DENND4C: variants seen among roughly 807,000 people sequenced by gnomAD.
DENND4C encodes DENN domain-containing protein 4C.
A neutral mutation model predicts 203.0 loss-of-function variants in DENND4C; 108 were observed. That is an observed-to-expected ratio of 0.53 (90% confidence interval 0.46 to 0.62). The LOEUF (loss-of-function observed/expected upper bound fraction) is 0.62. DENND4C is among the 20% of genes least tolerant of loss of function. The pLI is 0.00. For missense variants in DENND4C, 2,481 were observed against 2,301.2 expected (o/e 1.08, Z -1.60); for synonymous variants, 871 against 792.4 (o/e 1.10, Z -1.67).
chr9:19,311,153 T>A (rs1282234365), intron 10 of DENND4C, among the ~76,000 whole-genome samples: 1 of 152,198 alleles, frequency 6.6e-6, no homozygotes, highest in Non-Finnish European at 1.5e-5. Context: ...AGAGTCTTGC[T>A]CTGTCTCCCA....
At chr9:19,334,182 A>G (rs1819902022) in intron 17 of DENND4C, among the ~76,000 whole-genome samples, 1 of 152,134 alleles carries the variant, frequency 6.6e-6, no homozygotes, top group African/African-American at 2.4e-5. Flanking sequence ...AGTAGCTGGG[A>G]CTACAAGTGC....
intron 5 of DENND4C, 27 bp downstream of exon 5, chr9:19,290,903 A>G (rs747259322): frequency 6.3e-7 from 1 of 1,591,792 alleles, no homozygotes; most frequent in East Asian, 2.2e-5. Context: ...TTGATTAAAC[A>G]CATTTTGTCC....
chr9:19,234,293 C>T (rs967546647), intron 1 of DENND4C, among the ~76,000 whole-genome samples: 13 of 151,660 alleles, frequency 8.6e-5, no homozygotes, highest in East Asian at 3.9e-4. Context: ...TGCAGTGGCG[C>T]GATCTCAGCT....
At chr9:19,259,571 C>G (rs1828860538) in intron 1 of DENND4C, among the ~76,000 whole-genome samples, 1 of 144,228 alleles carries the variant, frequency 6.9e-6, no homozygotes, top group South Asian at 2.1e-4. Flanking sequence ...GTGGCGCGAT[C>G]TTGGCTCACT....
At chr9:19,285,590 T>TTTG (rs1376132429) in intron 2 of DENND4C, among the ~76,000 whole-genome samples, 2 of 151,954 alleles carry the variant, frequency 1.3e-5, no homozygotes, top group Non-Finnish European at 2.9e-5. Context: ...TTTTTTTTTT[T>TTTG]TCACTTAACA....
rs1248191204 is a variant in DENND4C at position 19,230,825 on chromosome 9, A to T, written c.-26A>T. The T allele has an allele frequency of 6.6e-6, 1 of 152,544 alleles. No homozygotes were observed. 9.4% of individuals were successfully genotyped at this position (152,544 alleles called of 1,614,324 possible). ...GTCGGGGCTGCGCTGACAGAGGAGCAGGCAGCAGGTGAGGCTGCGGCGCGG... is the reference window on the plus strand; with the variant it reads ...GTCGGGGCTGCGCTGACAGAGGAGCTGGCAGCAGGTGAGGCTGCGGCGCGG... On this transcript the variant is annotated 5_prime_UTR_variant, in exon 1 of 33. Coordinates refer to ENST00000434457, the MANE Select transcript of DENND4C (RefSeq NM_001330640.2).
chr9:19,234,964 TC>T (rs1342999512), intron 1 of DENND4C, among the ~76,000 whole-genome samples: 16 of 150,492 alleles, frequency 1.1e-4, no homozygotes, highest in African/African-American at 3.9e-4. Flanking sequence ...TTTTTTTTTT[TC>T]TTTCTTTTTT....
chr9:19,324,583 G>C, intron 13 of DENND4C, 76 bp downstream of exon 13: 1 of 1,450,258 alleles, frequency 6.9e-7, no homozygotes, highest in Non-Finnish European at 9.4e-7. Context: ...GTTATTGTTA[G>C]TCTAGAGTGA....
intron 30 of DENND4C, among the ~76,000 whole-genome samples, chr9:19,364,401 GA>G (rs1213896297): frequency 6.6e-6 from 1 of 152,194 alleles, no homozygotes; most frequent in African/African-American, 2.4e-5. Flanking sequence ...TTAAACTCAG[GA>G]ATTGCAGTTC....
chr9:19,231,764 T>C (rs1440498858), intron 1 of DENND4C, among the ~76,000 whole-genome samples: 1 of 151,976 alleles, frequency 6.6e-6, no homozygotes, highest in Non-Finnish European at 1.5e-5. Flanking sequence ...AGCTGTCTCT[T>C]TGTGCCTCCG....
chr9:19,256,320 T>C (rs1280140696), intron 1 of DENND4C, among the ~76,000 whole-genome samples: 1 of 126,654 alleles, frequency 7.9e-6, no homozygotes, highest in Non-Finnish European at 1.6e-5. Flanking sequence ...TTTTTTTTTT[T>C]TTTTTTGAGA....
chr9:19,323,084 C>T (rs534063609), intron 12 of DENND4C, among the ~76,000 whole-genome samples: 68 of 152,178 alleles, frequency 4.5e-4, no homozygotes, highest in Non-Finnish European at 8.7e-4. Flanking sequence ...ATGGGAGGAT[C>T]ACTTGAGGCC....
intron 30 of DENND4C, among the ~76,000 whole-genome samples, chr9:19,365,462 C>T (rs1027358576): frequency 2.0e-5 from 3 of 152,112 alleles, no homozygotes; most frequent in Admixed American, 1.3e-4. Context: ...TACTTTCTCA[C>T]TAAGTACAAG....
chr9:19,371,122 CTTT>C (rs34439366), intron 31 of DENND4C, among the ~76,000 whole-genome samples: 20,657 of 151,982 alleles, frequency 0.14, 1,792 homozygotes, highest in African/African-American at 0.24. Context: ...AGCCTTACGT[CTTT>C]TTTTTCTCTG....
At chr9:19,300,143 C>A in intron 8 of DENND4C, 44 bp from the exon 9 acceptor site, 1 of 1,526,858 alleles carries the variant, frequency 6.5e-7, no homozygotes, top group Non-Finnish European at 8.9e-7. Flanking sequence ...CATATTTCAG[C>A]AAAATAGTTC....
At chr9:19,322,110 G>T (rs1563801850) in intron 12 of DENND4C, among the ~76,000 whole-genome samples, 1 of 152,136 alleles carries the variant, frequency 6.6e-6, no homozygotes, top group Admixed American at 6.5e-5. Flanking sequence ...AAAACATGAA[G>T]GGAGAGCGCA....
intron 16 of DENND4C, among the ~76,000 whole-genome samples, chr9:19,328,852 C>T (rs916475548): frequency 1.3e-5 from 2 of 151,902 alleles, no homozygotes; most frequent in Non-Finnish European, 2.9e-5. Context: ...AGTTCGAGAC[C>T]AGCCTGACCA....
intron 30 of DENND4C, among the ~76,000 whole-genome samples, chr9:19,362,832 AG>A (rs1454831673): frequency 1.3e-5 from 2 of 152,206 alleles, no homozygotes; most frequent in African/African-American, 4.8e-5. Flanking sequence ...GTGTTTAAAG[AG>A]TTATTATTCA....
At chr9:19,341,311 CTTTTTT>C (rs5896841) in intron 21 of DENND4C, among the ~76,000 whole-genome samples, 197 bp downstream of exon 21, 1 of 120,176 alleles carries the variant, frequency 8.3e-6, no homozygotes. Context: ...TTCTTTCTTT[CTTTTTT>C]TTTTTTTTTT....
Sources: allele counts gnomAD v4.1 joint callset (sites outside exome capture counted in the v4.1 genomes callset), GRCh38; gene constraint gnomAD v4.1.1; transcripts MANE v1.5; gene names NCBI Gene and HGNC (gene_info 2026-07-23, HGNC 2026-07-21).